RAP1GAP: variants seen among roughly 807,000 people sequenced by gnomAD.
RAP1GAP encodes RAP1 GTPase activating protein.
In RAP1GAP, 35 loss-of-function variants were observed where a neutral mutation model predicts 87.2. The ratio of observed to expected loss-of-function variants is 0.40; its 90% CI spans 0.31 to 0.53. The LOEUF (loss-of-function observed/expected upper bound fraction) is 0.53, where lower values mean the gene tolerates loss of function less well. Among genes scored for constraint, RAP1GAP ranks in the 20% least tolerant of loss-of-function variants. The pLI is 0.48. For missense variants in RAP1GAP, 734 were observed against 898.9 expected, an observed-to-expected ratio of 0.82 and a Z score of 2.35; for synonymous variants, 375 against 363.9, an observed-to-expected ratio of 1.03 and a Z score of -0.35.
intron 5 of RAP1GAP, 36 bp downstream of exon 5, chr1:21,618,989 C>G (rs754567531): frequency 2.5e-6 from 4 of 1,570,996 alleles, no homozygotes; most frequent in Non-Finnish European, 3.5e-6. Flanking sequence ...CCCCTCCACC[C>G]CCTAGAGAGG....
chr1:21,666,051 C>T (rs1403725858), intron 1 of RAP1GAP, among the ~76,000 whole-genome samples: 48 of 152,214 alleles, frequency 3.2e-4, no homozygotes, highest in Admixed American at 3.1e-3. Flanking sequence ...GAGGCAGGGC[C>T]AGGCTTGGAC....
At chr1:21,617,083 T>C (rs777560776) in intron 7 of RAP1GAP, among the ~76,000 whole-genome samples, 6 of 152,240 alleles carry the variant, frequency 3.9e-5, no homozygotes, top group Non-Finnish European at 7.3e-5. Context: ...TGAACCACCA[T>C]GCCATAATGC....
chr1:21,599,628 C>G lies in RAP1GAP; in HGVS notation c.1653-11G>C, dbSNP rs761096156. Reference sequence around the variant, plus strand: ...GCTGCGGTCTCCGCTCTGCCACAGACAGTGCCCCATTAGCCGGTGTCCACC... The same window carrying G: ...GCTGCGGTCTCCGCTCTGCCACAGAGAGTGCCCCATTAGCCGGTGTCCACC... On this transcript the variant is annotated splice_polypyrimidine_tract_variant and intron_variant, in intron 20 of 24. Coordinates refer to ENST00000374765, the MANE Select transcript of RAP1GAP (RefSeq NM_002885.4). 6.2e-7 allele frequency: 1 copy of G among 1,600,178 alleles called. No homozygotes were observed. Among genetic ancestry groups the G allele is most frequent in the Non-Finnish European group, 8.5e-7 (1 of 1,177,284 alleles).
At chr1:21,617,902 G>C in intron 6 of RAP1GAP, 32 bp downstream of exon 6, 1 of 1,614,136 alleles carries the variant, frequency 6.2e-7, no homozygotes, top group East Asian at 2.2e-5. Context: ...CTGGGCTTGA[G>C]TAAGGGTGGG....
At chr1:21,623,854 A>C (rs1405709466) in intron 3 of RAP1GAP, among the ~76,000 whole-genome samples, 1 of 152,240 alleles carries the variant, frequency 6.6e-6, no homozygotes, top group Non-Finnish European at 1.5e-5. Context: ...TGCTCACAGC[A>C]CTGGAGATGG....
At position 21,613,276 on chromosome 1, in the gene RAP1GAP, G is replaced by A. The variant is rs1243915198; in HGVS notation, c.475-47C>T. 6.7e-7 allele frequency: 1 copy of A among 1,498,094 alleles called. No individual in the cohort carries two copies. Among genetic ancestry groups the A allele is most frequent in the Non-Finnish European group, 9.3e-7 (1 of 1,074,820 alleles). 92.8% of individuals were successfully genotyped at this position (1,498,094 alleles called of 1,614,324 possible). On this transcript the variant is annotated intron_variant, in intron 9 of 24. Coordinates refer to ENST00000374765, the MANE Select transcript of RAP1GAP (RefSeq NM_002885.4). The surrounding 1 kb of genome is among the most constrained non-coding windows in gnomAD (Gnocchi z 4.7). ...GGGTGTGAGGTGTGGGGCCAGGGAGGAGAGGATGGGGCTGCCTGGGCCTCC... is the reference window on the plus strand; with the variant it reads ...GGGTGTGAGGTGTGGGGCCAGGGAGAAGAGGATGGGGCTGCCTGGGCCTCC...
At chr1:21,665,965 C>T (rs976203746) in intron 1 of RAP1GAP, among the ~76,000 whole-genome samples, 2 of 152,254 alleles carry the variant, frequency 1.3e-5, no homozygotes, top group African/African-American at 4.8e-5. Flanking sequence ...ATCCCCCAGC[C>T]AGGCTGAGCT....
At chr1:21,601,555 G>T in intron 20 of RAP1GAP, 129 bp downstream of exon 20, 1 of 578,624 alleles carries the variant, frequency 1.7e-6, no homozygotes, top group Non-Finnish European at 2.8e-6. Flanking sequence ...CCCAGAGAAT[G>T]CCCAGGTCCC....
rs1295126928 is a variant in RAP1GAP, at chr1:21,609,257, T to A, written c.1071+318A>T. Among the ~76,000 whole-genome samples the A allele has an allele frequency of 6.6e-6, 1 of 152,098 alleles. No individual in the cohort carries two copies. Among genetic ancestry groups the A allele is most frequent in the East Asian group, 1.9e-4 (1 of 5,184 alleles). On this transcript the variant is annotated intron_variant, in intron 15 of 24. Transcript: ENST00000374765. This position sits in a 1 kb window ranked among gnomAD's most constrained non-coding sequence, Gnocchi z 4.4. Reference sequence around the variant, plus strand: ...TACGTACAGAGCTGAAGCCCAGGCTTGAAGTGTGCCCCTCCCCAAACATTT... The same window carrying A: ...TACGTACAGAGCTGAAGCCCAGGCTAGAAGTGTGCCCCTCCCCAAACATTT...
chr1:21,602,787 GT>G lies in RAP1GAP; in HGVS notation c.1538+16del. ...TGGGGATGCAGGGGAATGGGGCACTGTCCCCCACTCACCCACCTCTTCTCCT... is the reference window on the plus strand; with the variant it reads ...TGGGGATGCAGGGGAATGGGGCACTGCCCCCACTCACCCACCTCTTCTCCT... On this transcript the variant is annotated intron_variant, in intron 19 of 24. Coordinates refer to ENST00000374765, the MANE Select transcript of RAP1GAP (RefSeq NM_002885.4). 6.3e-7 allele frequency: 1 copy of G among 1,592,408 alleles called. No individual in the cohort carries two copies.
Position 21,634,710 on chromosome 1 carries a change from G to A in RAP1GAP, c.-112-8313C>T. The A allele has an allele frequency of 2.4e-6, 1 of 417,378 alleles. No homozygotes were observed. Among genetic ancestry groups the A allele is most frequent in the Admixed American group, 2.4e-5 (1 of 42,166 alleles). 25.9% of individuals were successfully genotyped at this position (417,378 alleles called of 1,614,324 possible). A position where few individuals can be genotyped will look rare whatever the true frequency, so the allele number is the denominator to read the frequency against. On this transcript the variant is annotated intron_variant, in intron 2 of 24. Transcript: ENST00000374765. This position sits in a 1 kb window ranked among gnomAD's most constrained non-coding sequence, Gnocchi z 4.1. The stretch of plus-strand genomic sequence containing the variant: ...TTGGCAGCCTAGAGAGGTGGTCACG[G>A]GACCGGTCCCTGCCCAGGGCACAGC...
Position 21,611,699 on chromosome 1 carries a change from C to T in RAP1GAP, c.713+17G>A, listed in dbSNP as rs1558670635. 6.2e-7 allele frequency: 1 copy of T among 1,611,920 alleles called. No homozygotes were observed. Among genetic ancestry groups the T allele is most frequent in the Admixed American group, 1.7e-5 (1 of 60,022 alleles). ...ACAAGTCAGATTACACTCTGCTCAGCCCACCCTAATACTCACCCCTTAAAG... is the reference window on the plus strand; with the variant it reads ...ACAAGTCAGATTACACTCTGCTCAGTCCACCCTAATACTCACCCCTTAAAG... On this transcript the variant is annotated intron_variant, in intron 12 of 24. Coordinates refer to ENST00000374765, the MANE Select transcript of RAP1GAP (RefSeq NM_002885.4).
chr1:21,661,305 C>G (rs2152341534), intron 1 of RAP1GAP, among the ~76,000 whole-genome samples: 1 of 151,810 alleles, frequency 6.6e-6, no homozygotes, highest in African/African-American at 2.4e-5. Flanking sequence ...AGGCAGAGAG[C>G]TTAGCAGTGT....
At chr1:21,626,017 G>A (rs997365281) in intron 3 of RAP1GAP, among the ~76,000 whole-genome samples, 1 of 152,160 alleles carries the variant, frequency 6.6e-6, no homozygotes, top group African/African-American at 2.4e-5. Flanking sequence ...CGTTGATTGT[G>A]GAGATGATGA....
At chr1:21,600,238 C>T (rs888866487) in intron 20 of RAP1GAP, among the ~76,000 whole-genome samples, 1 of 152,210 alleles carries the variant, frequency 6.6e-6, no homozygotes, top group African/African-American at 2.4e-5. Flanking sequence ...AAAAATCAGC[C>T]TAGGGCTCTC....
chr1:21,645,436 C>T (rs369010135), intron 2 of RAP1GAP, among the ~76,000 whole-genome samples: 10 of 151,970 alleles, frequency 6.6e-5, no homozygotes, highest in African/African-American at 2.4e-4. Flanking sequence ...GCTGAGATTG[C>T]CCCACTGCAC....
In RAP1GAP at chr1:21,617,961, GTCC is replaced by G. The variant is rs1195113396; in HGVS notation, c.75_77del (p.Glu25del). The G allele has an allele frequency of 2.5e-6, 4 of 1,614,126 alleles. No individual in the cohort carries two copies. The highest frequency in any genetic ancestry group is 3.4e-6 in the Non-Finnish European group (4 of 1,180,016). On this transcript the variant is annotated inframe_deletion, in exon 6 of 25. Transcript: ENST00000374765. Reference sequence around the variant, plus strand: ...CGTGCACGCTCGGGTATGGAATGTAGTCCTCCTCTGTCTGCAAAACACAAACAG... The same window carrying G: ...CGTGCACGCTCGGGTATGGAATGTAGTCCTCTGTCTGCAAAACACAAACAG...
At chr1:21,644,252 C>A (rs1415648696) in intron 2 of RAP1GAP, among the ~76,000 whole-genome samples, 1 of 152,162 alleles carries the variant, frequency 6.6e-6, no homozygotes, top group Admixed American at 6.5e-5. Flanking sequence ...CTGCCAGCTC[C>A]CCCATGGCCA....
intron 2 of RAP1GAP, among the ~76,000 whole-genome samples, chr1:21,643,556 CAAAAAAAA>C (rs58359978): frequency 3.0e-5 from 2 of 66,484 alleles, no homozygotes; most frequent in Non-Finnish European, 6.1e-5. Flanking sequence ...GACTCCGTCT[CAAAAAAAA>C]AAAAAAAAAA....
Sources: allele counts gnomAD v4.1 joint callset (sites outside exome capture counted in the v4.1 genomes callset), GRCh38; gene constraint gnomAD v4.1.1; non-coding constraint Gnocchi (gnomAD v3.1); transcripts MANE v1.5; gene names NCBI Gene and HGNC (gene_info 2026-07-23, HGNC 2026-07-21).